The following NLRP11 variants were observed in gnomAD, a reference collection of about 807,000 sequenced individuals.
NLRP11 encodes the protein NACHT, LRR and PYD domains-containing protein 11.
A neutral mutation model predicts 79.3 loss-of-function variants in NLRP11; 53 were observed. That is an observed-to-expected ratio of 0.67 (90% CI 0.54 to 0.84). NLRP11 has a LOEUF of 0.84. Ranked by LOEUF, NLRP11 falls within the 40% of genes least tolerant of loss-of-function variation. NLRP11 has a pLI of 0.00. For missense variants in NLRP11, 1,264 were observed against 1,255.0 expected, an observed-to-expected ratio of 1.01 and a Z score of -0.11; for synonymous variants, 518 against 462.6, an observed-to-expected ratio of 1.12 and a Z score of -1.54.
Position 55,818,079 on chromosome 19 carries a change from GC to G in NLRP11, c.95del (p.Arg32ProfsTer13). 4 of 1,613,988 alleles carry G rather than the reference GC, an allele frequency of 2.5e-6. No homozygotes were observed. Among genetic ancestry groups the G allele is most frequent in the Non-Finnish European group, 3.4e-6 (4 of 1,179,926 alleles). On this transcript the variant is annotated frameshift_variant, in exon 2 of 10. Transcript: ENST00000589093. LOFTEE classifies it high-confidence loss of function. ...GTGGCAGTTTGAAATCAAGAATCTT[GC>G]GTGCCAGATACTTCTTAAAACTCTG...
intron 6 of NLRP11, among the ~76,000 whole-genome samples, chr19:55,794,120 A>T (rs1186017914): frequency 1.3e-5 from 2 of 151,930 alleles, no homozygotes; most frequent in Non-Finnish European, 2.9e-5. Context: ...ACTACGAAAA[A>T]CTCCATGCCA....
chr19:55,787,112 C>A (rs1187679347), intron 9 of NLRP11, among the ~76,000 whole-genome samples: 1 of 152,106 alleles, frequency 6.6e-6, no homozygotes, highest in Admixed American at 6.5e-5. Flanking sequence ...ATTAATGGGT[C>A]ATCCGGATGC....
intron 1 of NLRP11, among the ~76,000 whole-genome samples, chr19:55,828,444 CAA>C (rs1982437773): frequency 6.6e-6 from 1 of 152,100 alleles, no homozygotes; most frequent in Admixed American, 6.5e-5. Flanking sequence ...TATCAGACTG[CAA>C]AGTTAGTAAT....
At chr19:55,799,547 A>C (rs144114850) in intron 5 of NLRP11, among the ~76,000 whole-genome samples, 4 of 152,262 alleles carry the variant, frequency 2.6e-5, no homozygotes, top group Non-Finnish European at 5.9e-5. Flanking sequence ...TCCAAGATGA[A>C]AGGAGTTTGG....
At chr19:55,815,507 C>T (rs1420742863) in intron 2 of NLRP11, among the ~76,000 whole-genome samples, 2 of 101,352 alleles carry the variant, frequency 2.0e-5, no homozygotes, top group Admixed American at 2.6e-4. Flanking sequence ...CCAGCCTGGA[C>T]AATGGAACAA....
chr19:55,785,493 TCA>T (rs878891245), exon 10 of NLRP11: 75,809 of 413,298 alleles, frequency 0.18, 2,483 homozygotes, highest in African/African-American at 0.26. Flanking sequence ...TGGATCAAGG[TCA>T]CACACACACA....
intron 1 of NLRP11, among the ~76,000 whole-genome samples, chr19:55,831,650 G>A (rs778564563): frequency 3.9e-4 from 60 of 151,972 alleles, no homozygotes; most frequent in African/African-American, 1.1e-3. Flanking sequence ...CTATGATGAC[G>A]AGTTAGTTAG....
intron 4 of NLRP11, among the ~76,000 whole-genome samples, chr19:55,802,239 A>T (rs944025996): frequency 1.3e-5 from 2 of 152,250 alleles, no homozygotes; most frequent in African/African-American, 2.4e-5. Flanking sequence ...CACTGTTTGC[A>T]GATGACATGA....
At chr19:55,798,736 ACACACACACACACACT>A (rs930214330) in intron 5 of NLRP11, among the ~76,000 whole-genome samples, 3 of 30,394 alleles carry the variant, frequency 9.9e-5, no homozygotes, top group South Asian at 2.6e-3. Flanking sequence ...TTTGCTTCAA[ACACACACACACACACT>A]CACACACACA....
intron 1 of NLRP11, among the ~76,000 whole-genome samples, chr19:55,822,897 G>A (rs574863609): frequency 6.6e-6 from 1 of 152,232 alleles, no homozygotes; most frequent in African/African-American, 2.4e-5. Flanking sequence ...AGCTGGAACT[G>A]GGGGGAGCCC....
chr19:55,819,222 G>A (rs1168589080), intron 1 of NLRP11, among the ~76,000 whole-genome samples: 1 of 149,760 alleles, frequency 6.7e-6, no homozygotes, highest in East Asian at 2.0e-4. Flanking sequence ...CACCTCTGCA[G>A]GGGTTCCCCA....
intron 2 of NLRP11, among the ~76,000 whole-genome samples, chr19:55,812,422 G>C (rs1980691141): frequency 6.6e-6 from 1 of 152,062 alleles, no homozygotes. Flanking sequence ...AGACCATCAG[G>C]GAACTGTGAT....
chr19:55,792,384 C>G, exon 7 of NLRP11: 1 of 1,614,160 alleles, frequency 6.2e-7, no homozygotes, highest in Non-Finnish European at 8.5e-7. Context: ...GATTCACACA[C>G]AGGTCTAGTT....
intron 4 of NLRP11, among the ~76,000 whole-genome samples, chr19:55,803,239 T>C (rs1979654333): frequency 6.6e-6 from 1 of 151,926 alleles, no homozygotes; most frequent in African/African-American, 2.4e-5. Flanking sequence ...CTCAACTACT[T>C]GGGAGGCTGA....
In NLRP11 at chr19:55,810,004, T is replaced by C. The variant is rs1342756147; in HGVS notation, c.606A>G (p.Leu202=). 1.9e-6 allele frequency: 3 copies of C among 1,614,194 alleles called. No individual in the cohort carries two copies. The Admixed American group carries it at 5.0e-5, about 27-fold the overall frequency. ...GGCCGTCAGGCCAGTCCTTGGCGAT[T>C]AGCTCAGCCAAGCTGCTGTTGGTCA... The change falls in exon 3 of 10, where the codon CTA becomes CTG. Residue 202 remains leucine, a synonymous_variant. Transcript: ENST00000589093.
chr19:55,809,280 CTT>C lies in NLRP11; in HGVS notation c.1328_1329del (p.Lys443ArgfsTer36). 6.2e-7 allele frequency: 1 copy of C among 1,614,016 alleles called. No homozygotes were observed. The highest frequency in any genetic ancestry group is 8.5e-7 in the Non-Finnish European group (1 of 1,179,934). On this transcript the variant is annotated frameshift_variant, in exon 3 of 10. Coordinates refer to ENST00000589093, the Ensembl canonical transcript of NLRP11. LOFTEE classifies it high-confidence loss of function. This position sits in a 1 kb window ranked among gnomAD's most constrained non-coding sequence, Gnocchi z 4.5. ...TTCAAGTGTATGAACTTGTAACGGTCTTTATGAGTGTTGCTCGGCAAAAGAAT... is the reference window on the plus strand; with the variant it reads ...TTCAAGTGTATGAACTTGTAACGGTCTATGAGTGTTGCTCGGCAAAAGAAT...
intron 2 of NLRP11, among the ~76,000 whole-genome samples, chr19:55,813,352 CTTGACCTGTAGTTTCCT>C (rs1465988426): frequency 6.6e-6 from 1 of 152,106 alleles, no homozygotes; most frequent in Admixed American, 6.5e-5. Flanking sequence ...CAAGTAGTTT[CTTGACCTGTAGTTTCCT>C]CTACCCTTTA....
intron 4 of NLRP11, among the ~76,000 whole-genome samples, chr19:55,802,680 CA>C (rs932624483): frequency 6.6e-6 from 1 of 151,936 alleles, no homozygotes; most frequent in Non-Finnish European, 1.5e-5. Context: ...TCATATAGAA[CA>C]AAAAAAGAGC....
At chr19:55,794,593 T>C (rs1978622849) in intron 6 of NLRP11, among the ~76,000 whole-genome samples, 1 of 152,104 alleles carries the variant, frequency 6.6e-6, no homozygotes, top group Non-Finnish European at 1.5e-5. Context: ...ACCCCGTCTC[T>C]ACTAAAAATA....
Sources: allele counts gnomAD v4.1 joint callset (sites outside exome capture counted in the v4.1 genomes callset), GRCh38; gene constraint gnomAD v4.1.1; non-coding constraint Gnocchi (gnomAD v3.1); transcripts MANE v1.5; gene names NCBI Gene and HGNC (gene_info 2026-07-23, HGNC 2026-07-21).